The following ACOT7 variants were observed in gnomAD, a reference collection of about 807,000 sequenced individuals.
The protein encoded by ACOT7 is acyl-CoA thioesterase 7, also known as cytosolic acyl coenzyme A thioester hydrolase.
A neutral mutation model predicts 40.2 loss-of-function variants in ACOT7; 12 were observed. That is an observed-to-expected ratio of 0.30 (90% CI 0.19 to 0.48). ACOT7 has a LOEUF of 0.48. Among genes scored for constraint, ACOT7 ranks in the 20% least tolerant of loss-of-function variants. The pLI, the probability that ACOT7 is intolerant of heterozygous loss-of-function variation, is 0.99. For synonymous variants in ACOT7, 228 were observed against 219.5 expected, an observed-to-expected ratio of 1.04 and a Z score of -0.34; for missense variants, 395 against 530.8, an observed-to-expected ratio of 0.74 and a Z score of 2.51.
rs775901617 is a variant in ACOT7, at chr1:6,281,111, G to A, written c.1005C>T (p.Pro335=). 9.9e-6 allele frequency: 16 copies of A among 1,613,410 alleles called. No individual in the cohort carries two copies. The Admixed American group carries it at 1.0e-4, about 10-fold the overall frequency. Residue 335 remains proline (P), a synonymous_variant, in exon 8 of 9, where the codon CCC becomes CCT. Transcript: ENST00000361521. ...AAGGATGCGCACTCACCACCAGCTG[G>A]GGCACAGGCAGCGACCTGCCTTCCT... ...LSQEGRSLPV[P]QLVPETEDEK...
Position 6,338,561 on chromosome 1 carries a change from A to T in ACOT7, c.418+872T>A, listed in dbSNP as rs1641173522. Among the ~76,000 whole-genome samples the T allele has an allele frequency of 6.6e-6, 1 of 152,182 alleles. No homozygotes were observed. Among genetic ancestry groups the T allele is most frequent in the Non-Finnish European group, 1.5e-5 (1 of 68,028 alleles). On this transcript the variant is annotated intron_variant, in intron 3 of 8. Coordinates refer to ENST00000361521, the MANE Select transcript of ACOT7 (RefSeq NM_007274.4). The surrounding 1 kb of genome is among the most constrained non-coding windows in gnomAD (Gnocchi z 4.4). ...GAGCTGGGCTGACACAGCCATTCTA[A>T]TCAACCCTGCTGAGGTCCTCAGAAT...
intron 6 of ACOT7, among the ~76,000 whole-genome samples, chr1:6,310,403 C>T (rs1427580262): frequency 6.6e-6 from 1 of 152,106 alleles, no homozygotes; most frequent in Non-Finnish European, 1.5e-5. Flanking sequence ...CCCCAGCCAC[C>T]CTGGCGCCCA....
chr1:6,327,496 T>G, intron 4 of ACOT7, 83 bp from the exon 5 acceptor site: 2 of 1,194,446 alleles, frequency 1.7e-6, no homozygotes, highest in Non-Finnish European at 2.4e-6. Flanking sequence ...CAGGCCCTTA[T>G]AGCCTTGTGT....
Position 6,288,427 on chromosome 1 carries a change from G to A in ACOT7, c.829+6437C>T, listed in dbSNP as rs149009962. Among the ~76,000 whole-genome samples the A allele has an allele frequency of 9.8e-5, 15 of 152,360 alleles. No individual in the cohort carries two copies. The highest frequency in any genetic ancestry group is 6.2e-4 in the South Asian group (3 of 4,826). The stretch of plus-strand genomic sequence containing the variant: ...TAGGTGCTTGGCCGGGCTAGTTGGC[G>A]CAAAGGTGTAAGGGGACAGCTATGA... On this transcript the variant is annotated intron_variant, in intron 7 of 8. Transcript: ENST00000361521. The surrounding 1 kb of genome is among the most constrained non-coding windows in gnomAD (Gnocchi z 4.3).
rs573572226 is a variant in ACOT7, at chr1:6,332,753, G to A, written c.510+724C>T. On this transcript the variant is annotated intron_variant, in intron 4 of 8. Transcript: ENST00000361521. ...GGAGAATGGCGTGAACGTGGGAGGC[G>A]GAGCTTGCAGTGAGCCGAGATCGCG... is the stretch of plus-strand genomic sequence containing the variant. Among the ~76,000 whole-genome samples, 396 of 151,988 alleles carry A rather than the reference G, an allele frequency of 2.6e-3. 1 individual carries two copies. Among genetic ancestry groups the A allele is most frequent in the Non-Finnish European group, 2.5e-3 (172 of 67,966 alleles).
chr1:6,339,048 T>C (rs545209220), intron 3 of ACOT7, among the ~76,000 whole-genome samples: 92 of 152,172 alleles, frequency 6.0e-4, no homozygotes, highest in African/African-American at 2.1e-3. Flanking sequence ...CTCCCTACGC[T>C]TGAGGAGGGC....
At chr1:6,268,169 C>G (rs1284259539) in intron 8 of ACOT7, among the ~76,000 whole-genome samples, 1 of 152,058 alleles carries the variant, frequency 6.6e-6, no homozygotes, top group Non-Finnish European at 1.5e-5. Context: ...GGGATGTCCA[C>G]CTCTGTGAAT....
chr1:6,297,491 G>A (rs1386933442), intron 6 of ACOT7, among the ~76,000 whole-genome samples: 1 of 152,218 alleles, frequency 6.6e-6, no homozygotes. Context: ...AGAATTAGTG[G>A]GGGCCCCGAG....
intron 6 of ACOT7, among the ~76,000 whole-genome samples, chr1:6,307,274 C>T (rs1342723273): frequency 2.6e-5 from 4 of 152,244 alleles, no homozygotes; most frequent in African/African-American, 4.8e-5. Flanking sequence ...CAGCCTGGCA[C>T]AATCCTCTGG....
intron 6 of ACOT7, among the ~76,000 whole-genome samples, chr1:6,305,112 G>A (rs1218016443): frequency 1.4e-5 from 2 of 144,888 alleles, no homozygotes; most frequent in Admixed American, 6.8e-5. Context: ...GCGGCTGGCC[G>A]GGCAGAGGGG....
chr1:6,358,948 A>G lies in ACOT7; in HGVS notation c.144-9082T>C. ...CAGGACTGTCCCAGCTCCCTGCCAC[A>G]CCGGGCTTGGTGGGGAGCACCCCCC... On this transcript the variant is annotated intron_variant, in intron 1 of 8. Transcript: ENST00000361521. This position sits in a 1 kb window ranked among gnomAD's most constrained non-coding sequence, Gnocchi z 4.1. 1 of 1,520,864 alleles carries G rather than the reference A, an allele frequency of 6.6e-7. No individual in the cohort carries two copies. Among genetic ancestry groups the G allele is most frequent in the East Asian group, 2.6e-5 (1 of 39,100 alleles). 94.2% of individuals were successfully genotyped at this position (1,520,864 alleles called of 1,614,324 possible).
chr1:6,303,138 C>G (rs547723160), intron 6 of ACOT7, among the ~76,000 whole-genome samples: 127 of 152,264 alleles, frequency 8.3e-4, no homozygotes, highest in Middle Eastern at 3.4e-3. Flanking sequence ...TTTCCAGGTT[C>G]CTACTGAAAA....
In ACOT7 at chr1:6,311,833, G is replaced by A. The variant is rs115811581; in HGVS notation, c.712+6659C>T. ...CGTTTACCGCGGCAGTGCTGCCCCA[G>A]CCTGTCCCCGAGAATTCCCTGGGGA... On this transcript the variant is annotated intron_variant, in intron 6 of 8. Transcript: ENST00000361521. This position sits in a 1 kb window ranked among gnomAD's most constrained non-coding sequence, Gnocchi z 5.2. 0.01 allele frequency among the ~76,000 whole-genome samples: 1,546 copies of A among 152,266 alleles called. 25 individuals carry two copies. The highest frequency in any genetic ancestry group is 0.035 in the African/African-American group (1,460 of 41,546).
At chr1:6,317,581 G>A (rs1312801943) in intron 6 of ACOT7, among the ~76,000 whole-genome samples, 2 of 152,152 alleles carry the variant, frequency 1.3e-5, no homozygotes, top group Non-Finnish European at 2.9e-5. Context: ...GGGGCCATCG[G>A]TGCCCTGCAA....
chr1:6,329,190 A>G (rs1045964808), intron 4 of ACOT7, among the ~76,000 whole-genome samples: 1 of 152,224 alleles, frequency 6.6e-6, no homozygotes, highest in East Asian at 1.9e-4. Context: ...CTCAGCTCCA[A>G]AATTGTGCAG....
chr1:6,326,813 T>C (rs562841090), intron 5 of ACOT7, among the ~76,000 whole-genome samples: 1 of 151,244 alleles, frequency 6.6e-6, no homozygotes, highest in Non-Finnish European at 1.5e-5. Context: ...GTAATTGTAA[T>C]ACCAGCTACT....
intron 5 of ACOT7, 124 bp from the exon 6 acceptor site, chr1:6,318,702 G>C: frequency 1.1e-6 from 1 of 920,218 alleles, no homozygotes; most frequent in Admixed American, 2.1e-5. Context: ...GCCGGGTTCA[G>C]CTATGATTTC....
chr1:6,348,694 C>CA (rs1176787181), intron 2 of ACOT7, among the ~76,000 whole-genome samples: 3 of 152,272 alleles, frequency 2.0e-5, no homozygotes, highest in Non-Finnish European at 2.9e-5. Context: ...CCTGGACTTC[C>CA]AGCCTCCAGG....
chr1:6,320,611 CTGGAAGCAG>C (rs888131213), intron 5 of ACOT7, among the ~76,000 whole-genome samples: 1 of 152,172 alleles, frequency 6.6e-6, no homozygotes, highest in Admixed American at 6.5e-5. Context: ...TGGGTCAGGC[CTGGAAGCAG>C]CATTTCACTC....
Sources: allele counts gnomAD v4.1 joint callset (sites outside exome capture counted in the v4.1 genomes callset), GRCh38; gene constraint gnomAD v4.1.1; non-coding constraint Gnocchi (gnomAD v3.1); transcripts MANE v1.5; gene names NCBI Gene and HGNC (gene_info 2026-07-23, HGNC 2026-07-21).